SYN2: variants seen among roughly 807,000 people sequenced by gnomAD.
SYN2 encodes the protein synapsin-2.
In SYN2, 19 loss-of-function variants were observed where a neutral mutation model predicts 50.9. The ratio of observed to expected loss-of-function variants is 0.37; its 90% CI spans 0.26 to 0.55. The LOEUF is 0.55. Ranked by LOEUF, SYN2 falls within the 20% of genes least tolerant of loss-of-function variation. The pLI is 0.81. For synonymous variants in SYN2, 255 were observed against 224.9 expected (o/e 1.13, Z -1.20); for missense variants, 587 against 576.4 (o/e 1.02, Z -0.19).
chr3:12,060,951 A>G (rs1325518519), intron 1 of SYN2, among the ~76,000 whole-genome samples: 1 of 152,220 alleles, frequency 6.6e-6, no homozygotes, highest in Non-Finnish European at 1.5e-5. Context: ...CAGGACATTT[A>G]AAGTAACTAC....
intron 1 of SYN2, among the ~76,000 whole-genome samples, chr3:12,060,139 G>A (rs1695082614): frequency 6.6e-6 from 1 of 152,172 alleles, no homozygotes; most frequent in Non-Finnish European, 1.5e-5. Context: ...TGGTAATTTT[G>A]ACAAATTGCT....
At chr3:12,134,862 C>G (rs1041918248) in intron 1 of SYN2, among the ~76,000 whole-genome samples, 1 of 152,100 alleles carries the variant, frequency 6.6e-6, no homozygotes, top group African/African-American at 2.4e-5. Context: ...GCAGTGACCC[C>G]CATGTAGATA....
intron 1 of SYN2, among the ~76,000 whole-genome samples, chr3:12,020,275 A>G (rs186861523): frequency 6.6e-6 from 1 of 152,234 alleles, no homozygotes; most frequent in African/African-American, 2.4e-5. Flanking sequence ...AGTTCCTACT[A>G]AAAAGACTGT....
intron 1 of SYN2, among the ~76,000 whole-genome samples, chr3:12,084,900 A>C (rs900171786): frequency 2.0e-5 from 3 of 152,172 alleles, no homozygotes; most frequent in Non-Finnish European, 4.4e-5. Context: ...ACAAAAGATA[A>C]AAAGAAAGGA....
chr3:12,012,895 C>T (rs1693945644), intron 1 of SYN2, among the ~76,000 whole-genome samples: 1 of 152,202 alleles, frequency 6.6e-6, no homozygotes, highest in African/African-American at 2.4e-5. Context: ...CCTCACCTTC[C>T]TAATCACTCT....
chr3:12,182,654 C>T (rs574624440), intron 10 of SYN2, among the ~76,000 whole-genome samples: 21 of 152,346 alleles, frequency 1.4e-4, no homozygotes, highest in Admixed American at 8.5e-4. Context: ...AAACAAATGA[C>T]GACCCCTTTC....
At chr3:12,170,183 G>A (rs1697907804) in intron 10 of SYN2, among the ~76,000 whole-genome samples, 1 of 152,288 alleles carries the variant, frequency 6.6e-6, no homozygotes, top group South Asian at 2.1e-4. Context: ...AGTCTCCAGG[G>A]AACCAGAGCC....
intron 5 of SYN2, among the ~76,000 whole-genome samples, chr3:12,160,776 C>T (rs1697628313): frequency 6.6e-6 from 1 of 152,230 alleles, no homozygotes; most frequent in South Asian, 2.1e-4. Context: ...CCTTCCACTC[C>T]ACAATATTAC....
chr3:12,146,983 T>C (rs1013093732), intron 4 of SYN2, among the ~76,000 whole-genome samples: 2 of 152,110 alleles, frequency 1.3e-5, no homozygotes, highest in Non-Finnish European at 2.9e-5. Flanking sequence ...TGAGGCCCCC[T>C]TCCCCCAGGT....
chr3:12,070,368 T>C (rs1217832685), intron 1 of SYN2: 1 of 520,804 alleles, frequency 1.9e-6, no homozygotes, highest in African/African-American at 1.9e-5. Flanking sequence ...TGGGCATGGG[T>C]CAGAAGGACT....
chr3:12,125,959 G>A (rs988127438), intron 1 of SYN2, among the ~76,000 whole-genome samples: 1 of 151,994 alleles, frequency 6.6e-6, no homozygotes, highest in African/African-American at 2.4e-5. Context: ...AGGATATGAT[G>A]ATGTCATTTT....
chr3:12,143,218 C>G (rs934615802), intron 3 of SYN2, among the ~76,000 whole-genome samples: 3 of 152,164 alleles, frequency 2.0e-5, no homozygotes, highest in African/African-American at 7.2e-5. Flanking sequence ...AGGCATACAG[C>G]TGGTGCCAGC....
At chr3:12,119,835 C>G (rs1228164985) in intron 1 of SYN2, among the ~76,000 whole-genome samples, 2 of 152,164 alleles carry the variant, frequency 1.3e-5, no homozygotes, top group Non-Finnish European at 2.9e-5. Flanking sequence ...CTGTCTCTAT[C>G]TGGACCTTCC....
At chr3:12,133,316 T>C (rs1422109390) in intron 1 of SYN2, among the ~76,000 whole-genome samples, 1 of 152,206 alleles carries the variant, frequency 6.6e-6, no homozygotes, top group Non-Finnish European at 1.5e-5. Context: ...CAATGATCCA[T>C]AACAGAAATT....
rs1695604463 is a variant in SYN2, at chr3:12,082,567, A to G, written c.378-58084A>G. Among the ~76,000 whole-genome samples the G allele has an allele frequency of 2.6e-5, 4 of 152,234 alleles. No homozygotes were observed. The South Asian group carries it at 8.3e-4, about 32-fold the overall frequency. Reference sequence around the variant, plus strand: ...TTAGGAAGGCCTTTCCAAAGTGCTAACTTCAGAACTAGGCTGACTTAAGAA... The same window carrying G: ...TTAGGAAGGCCTTTCCAAAGTGCTAGCTTCAGAACTAGGCTGACTTAAGAA... On this transcript the variant is annotated intron_variant, in intron 1 of 12. Coordinates refer to ENST00000621198, the MANE Select transcript of SYN2 (RefSeq NM_133625.6).
chr3:12,112,407 T>C lies in SYN2; in HGVS notation c.378-28244T>C, dbSNP rs148169392. Among the ~76,000 whole-genome samples the C allele has an allele frequency of 4.2e-4, 64 of 152,266 alleles. No homozygotes were observed. In the East Asian group the frequency reaches 0.012, roughly 28 times the overall value. On this transcript the variant is annotated intron_variant, in intron 1 of 12. Transcript: ENST00000621198. ...GGGCCACTTAGGTTTGGTTCACTAT[T>C]TGGGGTGCCTATCCTGTACTCAAAC... is the stretch of plus-strand genomic sequence containing the variant.
At position 12,004,616 on chromosome 3, in the gene SYN2, A is replaced by T. The variant is rs760791562; in HGVS notation, c.65A>T (p.Tyr22Phe). Residue 22 changes from tyrosine to phenylalanine, a missense_variant, in exon 1 of 13, where the codon TAC (tyrosine) becomes TTC (phenylalanine). Coordinates refer to ENST00000621198, the MANE Select transcript of SYN2 (RefSeq NM_133625.6). ...SSFIANLPNGYMTDLQRPEPQ... is the reference protein window; with the variant it reads ...SSFIANLPNGFMTDLQRPEPQ... ...TTCATCGCCAACCTGCCCAACGGCTACATGACCGACCTGCAGCGGCCCGAG... is the reference window on the plus strand; with the variant it reads ...TTCATCGCCAACCTGCCCAACGGCTTCATGACCGACCTGCAGCGGCCCGAG... 8.0e-6 allele frequency: 5 copies of T among 626,368 alleles called. No individual in the cohort carries two copies. In the East Asian group the frequency reaches 1.6e-4, roughly 20 times the overall value. The allele number at this position is 626,368 out of a possible 1,614,324, so 38.8% of individuals were successfully genotyped here.
intron 1 of SYN2, among the ~76,000 whole-genome samples, chr3:12,116,606 T>G (rs1696437869): frequency 6.6e-6 from 1 of 152,142 alleles, no homozygotes. Flanking sequence ...ATGTGTTTTG[T>G]GGAGAACGAG....
Position 12,004,863 on chromosome 3 carries a change from T to TG in SYN2, c.312_313insG (p.Pro105AlafsTer36), listed in dbSNP as rs1693758695. On this transcript the variant is annotated frameshift_variant, in exon 1 of 13. Transcript: ENST00000621198. LOFTEE classifies it high-confidence loss of function. ...CGGCTGGCCTGGTGGACGCGCCCGC[T>TG]CCCGCGCCCGCAGCCGCCAGGAAGG... 2.1e-5 allele frequency: 12 copies of TG among 562,018 alleles called. No individual in the cohort carries two copies. In the African/African-American group the frequency reaches 2.4e-4, roughly 11 times the overall value. The allele number at this position is 562,018 out of a possible 1,614,324, so 34.8% of individuals were successfully genotyped here.
Sources: gnomAD v4.1 joint callset for allele counts (sites outside exome capture counted in the v4.1 genomes callset) on GRCh38, gnomAD v4.1.1 for gene constraint, MANE v1.5 for transcripts, NCBI Gene and HGNC (gene_info 2026-07-23, HGNC 2026-07-21) for gene names.